The following BICRAL variants were observed in gnomAD, a reference collection of about 807,000 sequenced individuals.
BICRAL encodes BRD4-interacting chromatin-remodeling complex-associated protein-like.
A neutral mutation model predicts 91.8 loss-of-function variants in BICRAL; 8 were observed. That is an observed-to-expected ratio of 0.09 (90% CI 0.05 to 0.16). The LOEUF is 0.16. BICRAL is among the 10% of genes least tolerant of loss of function. BICRAL has a pLI of 1.00. For synonymous variants in BICRAL, 445 were observed against 491.1 expected (o/e 0.91, Z 1.24); for missense variants, 1,038 against 1,310.9 (o/e 0.79, Z 3.21).
At chr6:42,794,834 A>T (rs1582824367) in intron 1 of BICRAL, among the ~76,000 whole-genome samples, 1 of 149,466 alleles carries the variant, frequency 6.7e-6, no homozygotes, top group East Asian at 2.0e-4. Flanking sequence ...GGTGGCGGGC[A>T]CCTGTAATCG....
rs1764156121 is a variant in BICRAL at position 42,822,200 on chromosome 6, C to G, written c.41+137C>G. The stretch of plus-strand genomic sequence containing the variant: ...AATAATCATAGGTTTAGTAGAGAAA[C>G]AGAGACATGATTAACATAGGGGTTG... On this transcript the variant is annotated intron_variant, in intron 3 of 12. Transcript: ENST00000314073. The G allele has an allele frequency of 2.7e-5, 15 of 561,784 alleles. No individual in the cohort carries two copies. The East Asian group carries it at 4.5e-4, about 17-fold the overall frequency. The allele number at this position is 561,784 out of a possible 1,614,324, so 34.8% of individuals were successfully genotyped here.
chr6:42,768,830 C>G (rs190056638), intron 1 of BICRAL, among the ~76,000 whole-genome samples: 193 of 152,336 alleles, frequency 1.3e-3, no homozygotes, highest in Non-Finnish European at 2.0e-3. Flanking sequence ...CTGACCCAGT[C>G]TCTGTGTCCC....
chr6:42,746,450 C>T (rs1762275866), upstream of BICRAL, among the ~76,000 whole-genome samples: 1 of 150,864 alleles, frequency 6.6e-6, no homozygotes, highest in African/African-American at 2.4e-5. Flanking sequence ...CCCCCAGCTC[C>T]TCCCTACTAC....
In BICRAL at chr6:42,758,712, CAAAAAAAA is replaced by C. The variant is rs71758339; in HGVS notation, c.-261+11698_-261+11705del. On this transcript the variant is annotated intron_variant, in intron 1 of 14. Transcript: ENST00000614467. ...GTCCTTATGATGGAGTCGGGGGGTC[CAAAAAAAA>C]AAAAAAAAGAAAAAAGAATTGAGTG... Among the ~76,000 whole-genome samples, 6 of 103,622 alleles carry C rather than the reference CAAAAAAAA, an allele frequency of 5.8e-5. 1 individual carries two copies. The highest frequency in any genetic ancestry group is 6.3e-4 in the South Asian group (2 of 3,162). The allele number at this position is 103,622 out of a possible 152,430, so 68.0% of individuals were successfully genotyped here. A position where few individuals can be genotyped will look rare whatever the true frequency, so the allele number is the denominator to read the frequency against.
chr6:42,837,964 C>T (rs1461472714), intron 6 of BICRAL, among the ~76,000 whole-genome samples: 1 of 152,094 alleles, frequency 6.6e-6, no homozygotes, highest in Non-Finnish European at 1.5e-5. Flanking sequence ...AATACATTGA[C>T]GTGGTATCAC....
chr6:42,861,080 C>A (rs556245064), intron 11 of BICRAL, among the ~76,000 whole-genome samples: 2 of 152,248 alleles, frequency 1.3e-5, no homozygotes, highest in African/African-American at 4.8e-5. Flanking sequence ...TAGCCAAGAT[C>A]ATGCCATTGC....
At chr6:42,852,275 C>T (rs542476584) in intron 7 of BICRAL, 78 bp downstream of exon 7, 6 of 853,540 alleles carry the variant, frequency 7.0e-6, no homozygotes, top group African/African-American at 1.7e-5. Flanking sequence ...TCATTCTGCA[C>T]GAAAGCTTTC....
chr6:42,840,352 C>T lies in BICRAL; in HGVS notation c.1839+10180C>T, dbSNP rs538534357. On this transcript the variant is annotated intron_variant, in intron 6 of 12. Transcript: ENST00000314073. ...CTGCCTCCCGGGTTCAAGCTATTCTCCTGCCTCAGCCTCCCAAGTAGCTGA... is the reference window on the plus strand; with the variant it reads ...CTGCCTCCCGGGTTCAAGCTATTCTTCTGCCTCAGCCTCCCAAGTAGCTGA... Among the ~76,000 whole-genome samples, 4 of 152,036 alleles carry T rather than the reference C, an allele frequency of 2.6e-5. No homozygotes were observed. In the South Asian group the frequency reaches 8.3e-4, roughly 32 times the overall value.
chr6:42,864,678 C>A lies in BICRAL; in HGVS notation c.2472C>A (p.Phe824Leu). 1.2e-6 allele frequency: 2 copies of A among 1,613,728 alleles called. No individual in the cohort carries two copies. The highest frequency in any genetic ancestry group is 1.7e-6 in the Non-Finnish European group (2 of 1,179,754). ...LVDPEGFQAD[F>L]CCSFKLDKAA... ...TTCCAGAGGGTTTTCAGGCTGATTT[C>A]TGTTGTTCCTTCAAACTTGATAAAG... is the stretch of plus-strand genomic sequence containing the variant. Residue 824 changes from phenylalanine (F) to leucine (L), a missense_variant, in exon 13 of 13, where the codon TTC becomes TTA. By Grantham distance (22) the Phe-to-Leu change is conservative (BLOSUM62 0). This residue lies in a region of BICRAL where 294 missense variants were observed against 292.6 expected (regional missense o/e 1.00). Coordinates refer to ENST00000314073, the MANE Select transcript of BICRAL (RefSeq NM_001393499.1).
At chr6:42,784,098 C>T (rs1351959797) in intron 1 of BICRAL, among the ~76,000 whole-genome samples, 1 of 152,120 alleles carries the variant, frequency 6.6e-6, no homozygotes. Flanking sequence ...TGTCAGATTA[C>T]GGGAAGGTGA....
At chr6:42,785,562 C>A (rs75600044) in intron 1 of BICRAL, among the ~76,000 whole-genome samples, 113 of 126,758 alleles carry the variant, frequency 8.9e-4, no homozygotes, top group African/African-American at 1.1e-3. Context: ...ACTCCCATCT[C>A]AAAAAAAAAA....
intron 1 of BICRAL, among the ~76,000 whole-genome samples, chr6:42,799,535 C>T (rs923805886): frequency 1.3e-5 from 2 of 152,032 alleles, no homozygotes; most frequent in African/African-American, 4.8e-5. Flanking sequence ...ACCTTGTGAT[C>T]CATGAGCCTC....
intron 6 of BICRAL, among the ~76,000 whole-genome samples, chr6:42,846,752 T>C (rs1406225450): frequency 2.6e-5 from 4 of 152,248 alleles, no homozygotes; most frequent in African/African-American, 9.6e-5. Flanking sequence ...GACAACCTGC[T>C]TTACTGGTAG....
intron 6 of BICRAL, among the ~76,000 whole-genome samples, chr6:42,845,413 CTG>C (rs1582867405): frequency 6.6e-6 from 1 of 151,304 alleles, no homozygotes; most frequent in East Asian, 1.9e-4. Context: ...TACCACAGTG[CTG>C]TGTACACAGT....
At chr6:42,756,507 C>T (rs1762461081) in intron 1 of BICRAL, among the ~76,000 whole-genome samples, 1 of 152,180 alleles carries the variant, frequency 6.6e-6, no homozygotes, top group Admixed American at 6.6e-5. Context: ...CAGCTCCTCC[C>T]TCTGCCTCTC....
At chr6:42,832,565 GA>G (rs1339470425) in intron 6 of BICRAL, among the ~76,000 whole-genome samples, 2 of 145,542 alleles carry the variant, frequency 1.4e-5, no homozygotes, top group African/African-American at 5.4e-5. Context: ...TGGTTTCAAA[GA>G]TATCAAAGGG....
At chr6:42,791,740 A>G (rs996522936) in intron 1 of BICRAL, among the ~76,000 whole-genome samples, 1 of 152,154 alleles carries the variant, frequency 6.6e-6, no homozygotes, top group Non-Finnish European at 1.5e-5. Context: ...CTAGGACTAT[A>G]GGTGTGAACC....
intron 6 of BICRAL, among the ~76,000 whole-genome samples, chr6:42,842,092 G>A (rs1252925025): frequency 6.6e-6 from 1 of 152,144 alleles, no homozygotes; most frequent in Admixed American, 6.6e-5. Context: ...TCTAAAATGA[G>A]GAACTCTAGC....
rs753726175 is a variant in BICRAL, at chr6:42,828,618, T to C, written c.285T>C (p.Pro95=). The change falls in exon 6 of 13, where the codon CCT becomes CCC. Residue 95 remains proline (P), a synonymous_variant. Coordinates refer to ENST00000314073, the MANE Select transcript of BICRAL (RefSeq NM_001393499.1). The part of the protein sequence containing the change: ...LEDELESSPL[P]DLTEDQPFDI... ...ATGAACTCGAGTCTTCTCCTCTTCCTGATCTCACTGAGGACCAACCTTTCG... is the reference window on the plus strand; with the variant it reads ...ATGAACTCGAGTCTTCTCCTCTTCCCGATCTCACTGAGGACCAACCTTTCG... The C allele has an allele frequency of 1.2e-6, 2 of 1,614,142 alleles. No individual in the cohort carries two copies. Among genetic ancestry groups the C allele is most frequent in the South Asian group, 2.2e-5 (2 of 91,082 alleles).
Sources: allele counts gnomAD v4.1 joint callset (sites outside exome capture counted in the v4.1 genomes callset), GRCh38; gene constraint gnomAD v4.1.1; regional missense constraint gnomAD v4.1.1; transcripts MANE v1.5; gene names NCBI Gene and HGNC (gene_info 2026-07-23, HGNC 2026-07-21).